SMS: variants seen among roughly 807,000 people sequenced by gnomAD.
The protein encoded by SMS is spermidine aminopropyltransferase.
A neutral mutation model predicts 33.0 loss-of-function variants in SMS; 3 were observed. That is an observed-to-expected ratio of 0.09 (90% CI 0.04 to 0.23). SMS has a LOEUF of 0.23. Ranked by LOEUF, SMS falls within the 10% of genes least tolerant of loss-of-function variation. The pLI is 1.00. For missense variants in SMS, 117 were observed against 288.6 expected (o/e 0.41, Z 4.31); for synonymous variants, 103 against 112.2 (o/e 0.92, Z 0.52).
chrX:21,972,556 C>T lies in SMS; in HGVS notation c.314C>T (p.Thr105Ile). The T allele has an allele frequency of 8.5e-7, 1 of 1,179,241 alleles. No individual in the cohort carries two copies. Among genetic ancestry groups the T allele is most frequent in the Non-Finnish European group, 1.2e-6 (1 of 866,044 alleles). ...ERMKELSQDS[T>I]GRVKRLPPIV... ...ATGAAAGAATTGAGTCAGGACAGTA[C>T]TGGGCGGGTGAAACGGTAAGTCCAC... The change falls in exon 4 of 11, where the codon ACT becomes ATT. Residue 105 changes from threonine to isoleucine, a missense_variant. Physicochemically the swap from Thr to Ile is moderately conservative, Grantham distance 89 (BLOSUM62 -1). This residue lies in a region of SMS where 25 missense variants were observed against 24.4 expected (regional missense o/e 1.03). Coordinates refer to ENST00000404933, the MANE Select transcript of SMS (RefSeq NM_004595.5).
At chrX:21,994,172 G>A (rs1925938900) in intron 10 of SMS, 140 bp from the exon 11 acceptor site, 2 of 594,896 alleles carry the variant, frequency 3.4e-6, no homozygotes, top group Non-Finnish European at 5.7e-6. Flanking sequence ...CTTATTCAAA[G>A]TCCTTCGTTC....
intron 2 of SMS, among the ~76,000 whole-genome samples, chrX:21,970,838 C>T (rs1671252687): frequency 9.3e-6 from 1 of 107,584 alleles, no homozygotes; most frequent in African/African-American, 3.4e-5. Context: ...CATTTCTTTA[C>T]CTATAATTTG....
chrX:21,963,401 G>A (rs769054574), intron 1 of SMS, among the ~76,000 whole-genome samples: 16 of 112,556 alleles, frequency 1.4e-4, no homozygotes, highest in Non-Finnish European at 2.1e-4. Flanking sequence ...AATAGGGCTT[G>A]TGGGTAAATG....
intron 1 of SMS, among the ~76,000 whole-genome samples, chrX:21,958,807 G>A (rs1923147221): frequency 8.9e-6 from 1 of 112,886 alleles, no homozygotes; most frequent in African/African-American, 3.2e-5. Context: ...CTCCCAAGTA[G>A]CTGGGATTAC....
At position 21,940,835 on chromosome X, in the gene SMS, C is replaced by T; in HGVS notation, c.11C>T (p.Ala4Val). 1.8e-6 allele frequency: 2 copies of T among 1,119,250 alleles called. No individual in the cohort carries two copies. Among genetic ancestry groups the T allele is most frequent in the Non-Finnish European group, 2.3e-6 (2 of 854,099 alleles). The allele number at this position is 1,119,250 out of a possible 1,213,427, so 92.2% of individuals were successfully genotyped here. A position where few individuals can be genotyped will look rare whatever the true frequency, so the allele number is the denominator to read the frequency against. The change falls in exon 1 of 11, where the codon GCA (alanine) becomes GTA (valine). Residue 4 changes from alanine (A) to valine (V), a missense_variant. Ala to Val is a moderately conservative substitution (Grantham distance 64). Transcript: ENST00000404933. Reference protein sequence around the residue: MAAARHSTLDFMLG... With the variant: MAAVRHSTLDFMLG... ...GGGCCTCGCCTCACTATGGCAGCAG[C>T]ACGGCACAGCACGCTCGACTTCATG...
intron 1 of SMS, among the ~76,000 whole-genome samples, chrX:21,964,496 G>C (rs999679909): frequency 9.0e-6 from 1 of 111,337 alleles, no homozygotes; most frequent in Non-Finnish European, 1.9e-5. Flanking sequence ...CTTCTTTGGG[G>C]GTGAACACCT....
At chrX:21,986,029 A>G (rs1483878345) in intron 9 of SMS, among the ~76,000 whole-genome samples, 2 of 110,514 alleles carry the variant, frequency 1.8e-5, no homozygotes, top group Non-Finnish European at 3.8e-5. Context: ...TCAAAAATAA[A>G]CACAGTATTA....
At chrX:21,980,957 A>G (rs1924899354) in intron 7 of SMS, among the ~76,000 whole-genome samples, 1 of 111,974 alleles carries the variant, frequency 8.9e-6, no homozygotes, top group Non-Finnish European at 1.9e-5. Flanking sequence ...TGAGACTGGT[A>G]TGAATTATGT....
At chrX:21,985,093 G>A in intron 8 of SMS, 51 bp from the exon 9 acceptor site, 1 of 779,402 alleles carries the variant, frequency 1.3e-6, no homozygotes, top group Non-Finnish European at 2.0e-6. Context: ...TTCAGATGTT[G>A]TGGATACATA....
intron 1 of SMS, among the ~76,000 whole-genome samples, chrX:21,949,726 T>C (rs991211494): frequency 1.3e-4 from 15 of 112,103 alleles, no homozygotes; most frequent in Admixed American, 1.1e-3. Flanking sequence ...ACAAGACTTA[T>C]GTGCCTGTGG....
intron 2 of SMS, among the ~76,000 whole-genome samples, chrX:21,968,902 C>A (rs750011274): frequency 3.6e-5 from 4 of 111,610 alleles, no homozygotes; most frequent in Non-Finnish European, 5.6e-5. Context: ...AACACCCGTT[C>A]CCCAATAACC....
At chrX:21,974,214 A>C (rs1385204610) in intron 4 of SMS, among the ~76,000 whole-genome samples, 1 of 112,822 alleles carries the variant, frequency 8.9e-6, no homozygotes, top group Non-Finnish European at 1.9e-5. Context: ...AAGTTTGATC[A>C]GCCCACAAGA....
At chrX:21,956,450 ATTTTTT>A (rs1235616505) in intron 1 of SMS, among the ~76,000 whole-genome samples, 1 of 108,531 alleles carries the variant, frequency 9.2e-6, no homozygotes, top group Admixed American at 9.8e-5. Context: ...CACCTGGCTA[ATTTTTT>A]TTTATTTTTA....
chrX:21,990,565 T>C (rs775767483), intron 9 of SMS, among the ~76,000 whole-genome samples: 51 of 112,810 alleles, frequency 4.5e-4, no homozygotes, highest in Non-Finnish European at 8.4e-4. Context: ...CATGTTACTT[T>C]TTTGGGGTAG....
At chrX:21,975,699 A>G (rs753055170) in intron 4 of SMS, among the ~76,000 whole-genome samples, 84 of 111,188 alleles carry the variant, frequency 7.6e-4, no homozygotes, top group African/African-American at 2.4e-3. Flanking sequence ...ATTTGTTCAC[A>G]TGGAAGGTGA....
chrX:21,972,748 A>G lies in SMS; in HGVS notation c.329+177A>G, dbSNP rs140373740. ...ATGTGGCAAAACACCGTCTCTACTA[A>G]AAATACAAAAATTAGCTGGACGTGG... On this transcript the variant is annotated intron_variant, in intron 4 of 10. Transcript: ENST00000404933. 0.029 allele frequency among the ~76,000 whole-genome samples: 3,172 copies of G among 109,222 alleles called. 58 individuals carry two copies. Among genetic ancestry groups the G allele is most frequent in the Non-Finnish European group, 0.043 (2,238 of 52,522 alleles). 94.8% of individuals were successfully genotyped at this position (109,222 alleles called of 115,157 possible).
chrX:21,965,898 T>C (rs1290454969), intron 1 of SMS, among the ~76,000 whole-genome samples: 1 of 111,670 alleles, frequency 9.0e-6, no homozygotes. Context: ...AGAGGTTGCA[T>C]TGAGCCGAGA....
intron 2 of SMS, among the ~76,000 whole-genome samples, chrX:21,970,218 C>T (rs2147510837): frequency 8.9e-6 from 1 of 112,318 alleles, no homozygotes; most frequent in South Asian, 3.7e-4. Flanking sequence ...CCTACCCATG[C>T]ATGGGCTTGG....
chrX:21,942,087 T>C (rs1921851937), intron 1 of SMS, among the ~76,000 whole-genome samples: 1 of 108,602 alleles, frequency 9.2e-6, no homozygotes, highest in Non-Finnish European at 1.9e-5. Context: ...CTTTTAAACC[T>C]GTGACTGCCG....
Sources: gnomAD v4.1 joint callset for allele counts (sites outside exome capture counted in the v4.1 genomes callset) on GRCh38, gnomAD v4.1.1 for gene constraint, gnomAD v4.1.1 regional missense constraint, MANE v1.5 for transcripts, NCBI Gene and HGNC (gene_info 2026-07-23, HGNC 2026-07-21) for gene names.